The following PLOD2 variants were observed in gnomAD, a reference collection of about 807,000 sequenced individuals.
PLOD2 encodes lysine hydroxylase 2.
In PLOD2, 65 loss-of-function variants were observed where a neutral mutation model predicts 101.0. The observed-to-expected ratio is 0.64, with a 90% CI of 0.53 to 0.79. The LOEUF (loss-of-function observed/expected upper bound fraction) is 0.79, where lower values mean the gene tolerates loss of function less well. Ranked by LOEUF, PLOD2 falls within the 30% of genes least tolerant of loss-of-function variation. The pLI is 0.00. For missense variants in PLOD2, 909 were observed against 914.6 expected, an observed-to-expected ratio of 0.99 and a Z score of 0.08; for synonymous variants, 314 against 302.9, an observed-to-expected ratio of 1.04 and a Z score of -0.38.
intron 2 of PLOD2, among the ~76,000 whole-genome samples, chr3:146,123,605 CAAAG>C (rs751169734): frequency 6.6e-6 from 1 of 151,838 alleles, no homozygotes; most frequent in Non-Finnish European, 1.5e-5. Context: ...TCCCTGCAAA[CAAAG>C]AATCATCCTA....
At chr3:146,115,419 C>A (rs1390683955) in intron 3 of PLOD2, among the ~76,000 whole-genome samples, 4 of 152,018 alleles carry the variant, frequency 2.6e-5, no homozygotes, top group Non-Finnish European at 5.9e-5. Context: ...CCTTTTTGTC[C>A]TTCTGTGTTC....
chr3:146,097,997 A>G (rs1381909025), intron 7 of PLOD2, among the ~76,000 whole-genome samples: 1 of 152,108 alleles, frequency 6.6e-6, no homozygotes, highest in Non-Finnish European at 1.5e-5. Flanking sequence ...TGGGAGCTGA[A>G]CAATGAGAAC....
rs764626595 is a variant in PLOD2 at position 146,085,219 on chromosome 3, A to C, written c.1182T>G (p.Asp394Glu). ...KCDYYFSVDA[D>E]VVLTNPRTLK... is the part of the protein sequence containing the mutation. ...AAGTCCTTGGATTTGTCAAAACAACATCTGCATCCACACTAAAGTAATAAT... is the reference window on the plus strand; with the variant it reads ...AAGTCCTTGGATTTGTCAAAACAACCTCTGCATCCACACTAAAGTAATAAT... Residue 394 changes from aspartate to glutamate, a missense_variant, in exon 11 of 20, where the codon GAT becomes GAG. Coordinates refer to ENST00000282903, the MANE Select transcript of PLOD2 (RefSeq NM_182943.3). 6.2e-7 allele frequency: 1 copy of C among 1,608,894 alleles called. No individual in the cohort carries two copies. The highest frequency in any genetic ancestry group is 8.5e-7 in the Non-Finnish European group (1 of 1,175,582).
Position 146,077,870 on chromosome 3 carries a change from G to A in PLOD2, c.1555C>T (p.Pro519Ser), listed in dbSNP as rs1345728738. 1.3e-6 allele frequency: 2 copies of A among 1,582,590 alleles called. No individual in the cohort carries two copies. The highest frequency in any genetic ancestry group is 1.1e-5 in the South Asian group (1 of 89,290). ...PTPETFQMLS[P>S]PKGVFMYISN... The stretch of plus-strand genomic sequence containing the variant: ...ATAAGTAAAAATAACACCTTTGGGG[G>A]GCTGAGCATTTGGAATGTTTCCGGA... The change falls in exon 14 of 20, where the codon CCC (proline) becomes TCC (serine). Residue 519 changes from proline to serine, a missense_variant. Coordinates refer to ENST00000282903, the MANE Select transcript of PLOD2 (RefSeq NM_182943.3).
Position 146,073,165 on chromosome 3 carries a change from A to G in PLOD2, c.1743+122T>C, listed in dbSNP as rs1199762360. ...TGCTATTTAATCAGTAATTGAATCA[A>G]ATAAATTTTACCTAAAAGGTAGTTT... On this transcript the variant is annotated intron_variant, in intron 16 of 19. Coordinates refer to ENST00000282903, the MANE Select transcript of PLOD2 (RefSeq NM_182943.3). The G allele has an allele frequency of 7.5e-6, 4 of 535,042 alleles. No homozygotes were observed. The Admixed American group carries it at 1.4e-4, about 18-fold the overall frequency. The allele number at this position is 535,042 out of a possible 1,614,324, so 33.1% of individuals were successfully genotyped here.
chr3:146,093,855 G>A (rs1937060497), intron 7 of PLOD2, among the ~76,000 whole-genome samples: 1 of 152,110 alleles, frequency 6.6e-6, no homozygotes, highest in African/African-American at 2.4e-5. Flanking sequence ...AGCACTTTTA[G>A]TTTTCGGAAT....
intron 1 of PLOD2, among the ~76,000 whole-genome samples, chr3:146,138,258 G>A (rs2108120477): frequency 6.6e-6 from 1 of 151,856 alleles, no homozygotes. Flanking sequence ...CACTGTTCTA[G>A]AGACTCAGCA....
rs542024100 is a variant in PLOD2 at position 146,137,770 on chromosome 3, T to C, written c.110-13541A>G. On this transcript the variant is annotated intron_variant, in intron 1 of 19. Transcript: ENST00000282903. The stretch of plus-strand genomic sequence containing the variant: ...AGTACCAGGTATCATCATGAAGAGA[T>C]GCGGATGACGCTCAACAGGGATCAC... Among the ~76,000 whole-genome samples the C allele has an allele frequency of 3.1e-3, 470 of 152,160 alleles. 3 individuals are homozygous for C. Among genetic ancestry groups the C allele is most frequent in the African/African-American group, 0.01 (435 of 41,504 alleles).
At chr3:146,102,894 C>A in intron 6 of PLOD2, 42 bp from the exon 7 acceptor site, 1 of 1,024,100 alleles carries the variant, frequency 9.8e-7, no homozygotes, top group Non-Finnish European at 1.5e-6. Context: ...ATTTAAAATA[C>A]GTGTGTGTGT....
chr3:146,158,370 G>C lies in PLOD2; in HGVS notation c.109+2511C>G, dbSNP rs927332804. Among the ~76,000 whole-genome samples the C allele has an allele frequency of 2.6e-5, 4 of 151,982 alleles. No homozygotes were observed. In the South Asian group the frequency reaches 8.3e-4, roughly 32 times the overall value. On this transcript the variant is annotated intron_variant, in intron 1 of 19. Transcript: ENST00000282903. ...CTAAGAATAAAGTGGCAACCAAAAG[G>C]AATCAATACAGCACACAGAACTCTC...
rs1937538954 is a variant in PLOD2, at chr3:146,106,609, C to T, written c.538G>A (p.Val180Ile). ...TTATCCTGGAGATTCCATTGTTGAA[C>T]TATACGGTTGACATATGGAGCATAG... ...IGYAPYVNRIVQQWNLQDNDD... is the reference protein window; with the variant it reads ...IGYAPYVNRIIQQWNLQDNDD... The change falls in exon 5 of 20, where the codon GTT becomes ATT. Residue 180 changes from valine to isoleucine, a missense_variant. By Grantham distance (29) the Val-to-Ile change is conservative. Transcript: ENST00000282903. 6.3e-7 allele frequency: 1 copy of T among 1,589,670 alleles called. No individual in the cohort carries two copies. The highest frequency in any genetic ancestry group is 8.6e-7 in the Non-Finnish European group (1 of 1,157,838).
intron 11 of PLOD2, among the ~76,000 whole-genome samples, chr3:146,082,795 T>TGG (rs1936608568): frequency 6.6e-6 from 1 of 152,040 alleles, no homozygotes; most frequent in Non-Finnish European, 1.5e-5. Context: ...ATCAAGAGGC[T>TGG]GACACAGGAG....
chr3:146,131,655 C>T (rs1576618518), intron 1 of PLOD2, among the ~76,000 whole-genome samples: 3 of 152,258 alleles, frequency 2.0e-5, no homozygotes, highest in Admixed American at 2.0e-4. Flanking sequence ...AAAGAGAAAA[C>T]AAGACTTATC....
At chr3:146,108,882 C>T (rs540265032) in intron 4 of PLOD2, among the ~76,000 whole-genome samples, 1 of 152,324 alleles carries the variant, frequency 6.6e-6, no homozygotes, top group Admixed American at 6.5e-5. Context: ...CTCAGAGTCC[C>T]ATGGCTACAT....
chr3:146,126,861 C>A (rs184518895), intron 1 of PLOD2, among the ~76,000 whole-genome samples: 1 of 152,142 alleles, frequency 6.6e-6, no homozygotes, highest in East Asian at 1.9e-4. Flanking sequence ...GAGACACATA[C>A]TGAAGTAATA....
intron 7 of PLOD2, among the ~76,000 whole-genome samples, chr3:146,093,797 T>C (rs1393384471): frequency 2.0e-5 from 3 of 152,186 alleles, no homozygotes; most frequent in African/African-American, 7.2e-5. Flanking sequence ...AATCCCTATA[T>C]GAATATTAAA....
chr3:146,070,495 T>A lies in PLOD2; in HGVS notation c.*222A>T. On this transcript the variant is annotated 3_prime_UTR_variant, in exon 20 of 20. Coordinates refer to ENST00000282903, the MANE Select transcript of PLOD2 (RefSeq NM_182943.3). Reference sequence around the variant, plus strand: ...CATAGAAATAAATATTTAAGTTTTTTCTTTCTTTTCTTCTTCAATCTGTGT... The same window carrying A: ...CATAGAAATAAATATTTAAGTTTTTACTTTCTTTTCTTCTTCAATCTGTGT... 2.9e-6 allele frequency: 1 copy of A among 346,408 alleles called. No individual in the cohort carries two copies. The allele number at this position is 346,408 out of a possible 1,614,324, so 21.5% of individuals were successfully genotyped here. A position where few individuals can be genotyped will look rare whatever the true frequency, so the allele number is the denominator to read the frequency against.
intron 9 of PLOD2, among the ~76,000 whole-genome samples, chr3:146,088,227 CA>C (rs980931780): frequency 6.6e-5 from 10 of 151,524 alleles, no homozygotes; most frequent in African/African-American, 2.2e-4. Flanking sequence ...TGTCTTAAAT[CA>C]CAAACAATTT....
chr3:146,147,727 T>A (rs985361995), intron 1 of PLOD2, among the ~76,000 whole-genome samples: 4 of 152,110 alleles, frequency 2.6e-5, no homozygotes, highest in Non-Finnish European at 5.9e-5. Flanking sequence ...TCACTGGACT[T>A]AAGAAAGATG....
Sources: allele counts gnomAD v4.1 joint callset (sites outside exome capture counted in the v4.1 genomes callset), GRCh38; gene constraint gnomAD v4.1.1; transcripts MANE v1.5; gene names NCBI Gene and HGNC (gene_info 2026-07-23, HGNC 2026-07-21).